The following MMD2 variants were observed in gnomAD, a reference collection of about 807,000 sequenced individuals.
MMD2 encodes monocyte to macrophage differentiation factor 2.
MMD2 carries 30 observed loss-of-function variants against 33.5 expected under a neutral mutation model. The observed-to-expected ratio is 0.90, with a 90% CI of 0.67 to 1.22. MMD2 has a LOEUF of 1.22. MMD2 is among the 50% of genes most tolerant of loss of function. MMD2 has a pLI of 0.00. For missense variants in MMD2, 364 were observed against 325.4 expected (o/e 1.12, Z -0.91); for synonymous variants, 129 against 123.0 (o/e 1.05, Z -0.32).
intron 1 of MMD2, among the ~76,000 whole-genome samples, chr7:4,951,479 C>T (rs1394782796): frequency 2.6e-5 from 4 of 152,208 alleles, no homozygotes; most frequent in African/African-American, 7.2e-5. Context: ...CCTTCCCTCA[C>T]CCTGGAAAAC....
intron 4 of MMD2, 99 bp downstream of exon 4, chr7:4,915,906 G>A: frequency 8.0e-7 from 1 of 1,243,532 alleles, no homozygotes; most frequent in Admixed American, 2.0e-5. Context: ...TAACTCCTTT[G>A]TGCCAAGTCA....
intron 1 of MMD2, among the ~76,000 whole-genome samples, chr7:4,958,278 G>C (rs1786442547): frequency 6.7e-6 from 1 of 150,012 alleles, no homozygotes; most frequent in African/African-American, 2.5e-5. Context: ...TTAAAGATAT[G>C]TAAAAGGAGA....
rs751692510 is a variant in MMD2 at position 4,959,064 on chromosome 7, G to A, written c.-47C>T. The A allele has an allele frequency of 8.0e-7, 1 of 1,244,924 alleles. No individual in the cohort carries two copies. Among genetic ancestry groups the A allele is most frequent in the South Asian group, 3.8e-5 (1 of 26,092 alleles). The allele number at this position is 1,244,924 out of a possible 1,614,324, so 77.1% of individuals were successfully genotyped here. On this transcript the variant is annotated 5_prime_UTR_variant, in exon 1 of 7. Transcript: ENST00000401401. The stretch of plus-strand genomic sequence containing the variant: ...TGGCCCCGGGCTCAGAGCGCGGGTA[G>A]CTGGCAGAGCCTGGGGGGCGCGGCG...
chr7:4,900,273 A>C, the MMD2 span, among the ~76,000 whole-genome samples: 1 of 152,180 alleles, frequency 6.6e-6, no homozygotes, highest in Admixed American at 6.6e-5. Context: ...AAAAAAAAGA[A>C]AAAGAAAACA....
the MMD2 span, among the ~76,000 whole-genome samples, chr7:4,893,850 G>A: frequency 6.6e-6 from 1 of 152,194 alleles, no homozygotes; most frequent in Non-Finnish European, 1.5e-5. Flanking sequence ...CATGATGCCA[G>A]TGGGAGTGTC....
At chr7:4,928,540 C>T (rs144000499) in intron 1 of MMD2, among the ~76,000 whole-genome samples, 69 of 151,996 alleles carry the variant, frequency 4.5e-4, no homozygotes, top group Admixed American at 1.3e-3. Flanking sequence ...AAGTACAGCT[C>T]ATGGAGCACT....
intron 1 of MMD2, among the ~76,000 whole-genome samples, chr7:4,949,079 G>A (rs1316713475): frequency 3.3e-5 from 5 of 151,956 alleles, no homozygotes; most frequent in Non-Finnish European, 7.4e-5. Context: ...GCGCAGTGGT[G>A]CACACCTATA....
intron 1 of MMD2, among the ~76,000 whole-genome samples, chr7:4,926,373 C>T (rs1230662747): frequency 3.3e-5 from 5 of 152,186 alleles, no homozygotes; most frequent in Non-Finnish European, 4.4e-5. Flanking sequence ...GGATTACAGG[C>T]GTGAGCCACC....
the MMD2 span, among the ~76,000 whole-genome samples, chr7:4,892,542 C>T: frequency 2.7e-5 from 4 of 150,730 alleles, no homozygotes; most frequent in Admixed American, 6.6e-5. Flanking sequence ...GAGCCGAGAT[C>T]GCATTACTGT....
intron 1 of MMD2, among the ~76,000 whole-genome samples, chr7:4,945,135 CCTT>C (rs897253421): frequency 3.3e-4 from 48 of 147,116 alleles, no homozygotes; most frequent in African/African-American, 8.3e-4. Context: ...CTTTCCTTCT[CCTT>C]CTTCTTCTTT....
At chr7:4,929,618 G>A (rs910753520) in intron 1 of MMD2, among the ~76,000 whole-genome samples, 8 of 149,956 alleles carry the variant, frequency 5.3e-5, no homozygotes, top group African/African-American at 9.8e-5. Flanking sequence ...TCTGCCTCCC[G>A]GGTTCAAGTG....
At chr7:4,917,869 TC>T (rs1216589686) in intron 3 of MMD2, among the ~76,000 whole-genome samples, 1 of 151,928 alleles carries the variant, frequency 6.6e-6, no homozygotes, top group Non-Finnish European at 1.5e-5. Context: ...ACTGGGACCC[TC>T]CCCTCCCAAA....
intron 1 of MMD2, among the ~76,000 whole-genome samples, chr7:4,929,331 G>A (rs939276121): frequency 6.6e-6 from 1 of 152,108 alleles, no homozygotes; most frequent in African/African-American, 2.4e-5. Flanking sequence ...GGCCGCAGCA[G>A]CCTCGCAGGG....
At position 4,920,277 on chromosome 7, in the gene MMD2, C is replaced by T. The variant is rs749395200; in HGVS notation, c.184G>A (p.Asp62Asn). ...CAGGCAGAGATGGTCTCCCAGTCAT[C>T]GTCCGACAGGAAGTAGAGGTTGGAG... ...GSSNLYFLSD[D>N]DWETISAWIY... Residue 62 changes from aspartate (D) to asparagine (N), a missense_variant, in exon 3 of 7, where the codon GAT (aspartate) becomes AAT (asparagine). Transcript: ENST00000401401. 9.3e-6 allele frequency: 15 copies of T among 1,607,164 alleles called. No homozygotes were observed. The highest frequency in any genetic ancestry group is 3.4e-5 in the South Asian group (3 of 89,202).
the MMD2 span, among the ~76,000 whole-genome samples, chr7:4,893,183 T>G: frequency 1.3e-5 from 2 of 151,830 alleles, no homozygotes; most frequent in African/African-American, 4.8e-5. Context: ...GCAAAAGTGG[T>G]ACCAGAAAGG....
At chr7:4,903,484 C>CCTTCAG (rs1362101434), downstream of MMD2, among the ~76,000 whole-genome samples, 2 of 152,300 alleles carry the variant, frequency 1.3e-5, no homozygotes, top group East Asian at 3.9e-4. Context: ...TCACACCACA[C>CCTTCAG]CTTCAGCTTC....
At chr7:4,926,412 T>G (rs1338490776) in intron 1 of MMD2, among the ~76,000 whole-genome samples, 2 of 152,010 alleles carry the variant, frequency 1.3e-5, no homozygotes, top group Non-Finnish European at 2.9e-5. Context: ...TGTTTCTTAT[T>G]TTCTCTAAGT....
At chr7:4,922,995 A>C (rs992821230) in intron 2 of MMD2, among the ~76,000 whole-genome samples, 1 of 152,158 alleles carries the variant, frequency 6.6e-6, no homozygotes, top group Non-Finnish European at 1.5e-5. Flanking sequence ...CTGGACTATG[A>C]ATATGCCTTG....
the MMD2 span, among the ~76,000 whole-genome samples, chr7:4,892,380 G>A: frequency 6.6e-6 from 1 of 152,018 alleles, no homozygotes; most frequent in South Asian, 2.1e-4. Context: ...CTGAGGTCAG[G>A]AGTACAAGAC....
Sources: gnomAD v4.1 joint callset for allele counts (sites outside exome capture counted in the v4.1 genomes callset) on GRCh38, gnomAD v4.1.1 for gene constraint, MANE v1.5 for transcripts, NCBI Gene and HGNC (gene_info 2026-07-23, HGNC 2026-07-21) for gene names.